LARGE1: variants seen among roughly 807,000 people sequenced by gnomAD.
The protein encoded by LARGE1 is LARGE xylosyl- and glucuronyltransferase 1, also known as xylosyl- and glucuronyltransferase LARGE1.
Under a neutral mutation model 87.6 loss-of-function variants are expected in LARGE1, and 43 were observed. The ratio of observed to expected loss-of-function variants is 0.49; its 90% CI spans 0.38 to 0.63. The LOEUF is 0.63. LARGE1 is among the 30% of genes least tolerant of loss of function. The pLI, the probability that LARGE1 is intolerant of heterozygous loss-of-function variation, is 0.00. For synonymous variants in LARGE1, 434 were observed against 394.6 expected (o/e 1.10, Z -1.18); for missense variants, 802 against 1,000.2 (o/e 0.80, Z 2.67).
intron 11 of LARGE1, among the ~76,000 whole-genome samples, chr22:33,204,193 G>C (rs1020882635): frequency 6.6e-6 from 1 of 152,124 alleles, no homozygotes; most frequent in Non-Finnish European, 1.5e-5. Flanking sequence ...AGAAGTACCC[G>C]AATTGAGGGG....
intron 7 of LARGE1, among the ~76,000 whole-genome samples, chr22:33,410,272 T>C (rs2066261649): frequency 1.3e-5 from 2 of 152,098 alleles, no homozygotes; most frequent in Admixed American, 1.3e-4. Context: ...CTCTAACCTA[T>C]AGACTGGGGA....
the LARGE1 span, among the ~76,000 whole-genome samples, chr22:33,133,200 C>T: frequency 6.6e-6 from 1 of 151,800 alleles, no homozygotes; most frequent in Non-Finnish European, 1.5e-5. Flanking sequence ...TTTTTTAATA[C>T]TTTAAGTTCT....
chr22:33,620,847 G>A (rs772635310), intron 4 of LARGE1, among the ~76,000 whole-genome samples: 4 of 152,124 alleles, frequency 2.6e-5, no homozygotes, highest in Non-Finnish European at 5.9e-5. Flanking sequence ...AACCCAGGAA[G>A]TGGAGGTTTC....
intron 1 of LARGE1, among the ~76,000 whole-genome samples, chr22:33,770,958 C>A (rs2085050879): frequency 6.6e-6 from 1 of 152,150 alleles, no homozygotes; most frequent in Non-Finnish European, 1.5e-5. Flanking sequence ...TGCCACTTCA[C>A]ATTAACCAGG....
chr22:33,741,473 T>C (rs1660186384), intron 2 of LARGE1, among the ~76,000 whole-genome samples: 1 of 152,196 alleles, frequency 6.6e-6, no homozygotes. Flanking sequence ...CAAATATTAG[T>C]CACCTGGATT....
chr22:33,315,676 C>A (rs1462325056), intron 11 of LARGE1, among the ~76,000 whole-genome samples: 1 of 152,018 alleles, frequency 6.6e-6, no homozygotes, highest in Non-Finnish European at 1.5e-5. Flanking sequence ...GTCACCCAGG[C>A]TGGAGTGCAG....
chr22:33,320,841 C>T (rs568465760), intron 10 of LARGE1: 48 of 152,246 alleles, frequency 3.2e-4, no homozygotes, highest in Non-Finnish European at 4.4e-4. Flanking sequence ...ATTTCCTCTC[C>T]TCCCCAGAGC....
chr22:33,216,857 T>C (rs137457), intron 11 of LARGE1, among the ~76,000 whole-genome samples: 2 of 152,030 alleles, frequency 1.3e-5, no homozygotes, highest in Non-Finnish European at 2.9e-5. Context: ...GAAGCCAGCA[T>C]AGGGCTTGGA....
At chr22:33,257,502 C>T (rs569608859) in intron 11 of LARGE1, among the ~76,000 whole-genome samples, 1 of 152,182 alleles carries the variant, frequency 6.6e-6, no homozygotes, top group Admixed American at 6.5e-5. Context: ...GAATGAGTAG[C>T]TGGAATTCCA....
At chr22:33,501,955 G>A (rs1177082656) in intron 6 of LARGE1, among the ~76,000 whole-genome samples, 3 of 152,188 alleles carry the variant, frequency 2.0e-5, no homozygotes, top group South Asian at 2.1e-4. Flanking sequence ...CACTTTGGGA[G>A]GCTGAGGCGG....
chr22:33,483,723 A>G (rs548466030), intron 6 of LARGE1, among the ~76,000 whole-genome samples: 1 of 152,302 alleles, frequency 6.6e-6, no homozygotes, highest in South Asian at 2.1e-4. Flanking sequence ...AGGACGATTA[A>G]ATTATCTTCA....
chr22:33,628,482 A>T (rs1370960886), intron 3 of LARGE1, among the ~76,000 whole-genome samples: 2 of 151,986 alleles, frequency 1.3e-5, no homozygotes, highest in Non-Finnish European at 2.9e-5. Context: ...ACGTCCAGGT[A>T]ATTTTTGTAT....
intron 2 of LARGE1, among the ~76,000 whole-genome samples, chr22:33,736,526 T>C (rs1350877015): frequency 2.6e-5 from 4 of 152,268 alleles, no homozygotes; most frequent in African/African-American, 9.6e-5. Context: ...TATTCATCTA[T>C]TCTGTACATA....
chr22:33,078,024 G>A, the LARGE1 span, among the ~76,000 whole-genome samples: 9 of 151,658 alleles, frequency 5.9e-5, no homozygotes, highest in South Asian at 2.1e-4. Context: ...GAAGACTGGC[G>A]TAAAAAAGAA....
chr22:33,858,758 C>T (rs1429509405), intron 1 of LARGE1, among the ~76,000 whole-genome samples: 3 of 152,176 alleles, frequency 2.0e-5, no homozygotes, highest in African/African-American at 7.2e-5. Flanking sequence ...ATGTTTATTG[C>T]AGCACTATTC....
intron 5 of LARGE1, among the ~76,000 whole-genome samples, chr22:33,588,050 C>T (rs997068909): frequency 2.0e-5 from 3 of 152,148 alleles, no homozygotes; most frequent in African/African-American, 4.8e-5. Flanking sequence ...GATAAAATAA[C>T]GTTACTGGGA....
At chr22:33,195,763 T>C (rs1034382485) in intron 11 of LARGE1, among the ~76,000 whole-genome samples, 8 of 136,104 alleles carry the variant, frequency 5.9e-5, no homozygotes, top group South Asian at 2.2e-4. Context: ...TTTCTTTTTT[T>C]TTTTTTTTTG....
intron 11 of LARGE1, among the ~76,000 whole-genome samples, chr22:33,202,954 G>A (rs1267112461): frequency 6.6e-6 from 1 of 152,134 alleles, no homozygotes; most frequent in Non-Finnish European, 1.5e-5. Flanking sequence ...CTTTGCTAGT[G>A]ATGATTCATT....
chr22:33,501,250 A>ATTTTATATATTATTAT (rs1318463232), intron 6 of LARGE1, among the ~76,000 whole-genome samples: 1 of 152,206 alleles, frequency 6.6e-6, no homozygotes, highest in Non-Finnish European at 1.5e-5. Flanking sequence ...AAAGTTTATT[A>ATTTTATATATTATTAT]TGTATACTTC....
Sources: allele counts gnomAD v4.1 joint callset (sites outside exome capture counted in the v4.1 genomes callset), GRCh38; gene constraint gnomAD v4.1.1; transcripts MANE v1.5; gene names NCBI Gene and HGNC (gene_info 2026-07-23, HGNC 2026-07-21).